The following WDR7 variants were observed in gnomAD, a reference collection of about 807,000 sequenced individuals.
The protein encoded by WDR7 is WD repeat domain 7, also known as WD repeat-containing protein 7.
A neutral mutation model predicts 169.4 loss-of-function variants in WDR7; 46 were observed. The observed-to-expected ratio is 0.27, with a 90% CI of 0.21 to 0.35. The LOEUF (loss-of-function observed/expected upper bound fraction) is 0.35, where lower values mean the gene tolerates loss of function less well. WDR7 is among the 10% of genes least tolerant of loss of function. The probability of loss-of-function intolerance (pLI) is 1.00; values close to 1 mark genes in which losing one functional copy is unlikely to be tolerated. For missense variants in WDR7, 1,534 were observed against 1,859.3 expected (o/e 0.83, Z 3.22); for synonymous variants, 612 against 666.8 (o/e 0.92, Z 1.27).
chr18:56,939,233 G>A (rs951150565), intron 24 of WDR7, 78 bp from the exon 25 acceptor site: 3 of 1,065,580 alleles, frequency 2.8e-6, no homozygotes, highest in Admixed American at 5.4e-5. Context: ...ATGGGCAAAT[G>A]AGGCCTAAAT....
At chr18:56,686,718 G>A (rs2025450838) in intron 6 of WDR7, 137 bp from the exon 7 acceptor site, 9 of 686,292 alleles carry the variant, frequency 1.3e-5, no homozygotes, top group African/African-American at 8.9e-5. Context: ...TTTTACTACC[G>A]TGGCGCTTAC....
At chr18:56,665,998 C>G (rs2025012746) in intron 1 of WDR7, among the ~76,000 whole-genome samples, 1 of 152,036 alleles carries the variant, frequency 6.6e-6, no homozygotes, top group African/African-American at 2.4e-5. Context: ...TGATCCGTCA[C>G]TGGATGTGGG....
At chr18:56,945,666 G>A (rs999867679) in intron 25 of WDR7, among the ~76,000 whole-genome samples, 1 of 152,144 alleles carries the variant, frequency 6.6e-6, no homozygotes, top group Non-Finnish European at 1.5e-5. Flanking sequence ...TGATCTCAGA[G>A]TACTGTTCCC....
At chr18:56,683,197 G>T (rs1156443683) in intron 5 of WDR7, among the ~76,000 whole-genome samples, 1 of 152,100 alleles carries the variant, frequency 6.6e-6, no homozygotes, top group African/African-American at 2.4e-5. Context: ...CTGGGGCCTG[G>T]TTCTGTCACT....
chr18:56,664,263 C>T (rs1010737386), intron 1 of WDR7, among the ~76,000 whole-genome samples: 6 of 152,078 alleles, frequency 3.9e-5, no homozygotes, highest in Middle Eastern at 3.4e-3. Flanking sequence ...TTTTTGAGGG[C>T]GCAGACTAGA....
Position 56,695,203 on chromosome 18 carries a change from A to G in WDR7, c.1357+5A>G, listed in dbSNP as rs2025671134. The stretch of plus-strand genomic sequence containing the variant: ...GGGAACACATGCTCAGAAGAGGTAT[A>G]CTGAAGAGCTCCGTATGTCTAAAGT... On this transcript the variant is annotated splice_donor_5th_base_variant and intron_variant, in intron 11 of 27. Transcript: ENST00000254442. The G allele has an allele frequency of 1.2e-6, 2 of 1,613,008 alleles. No homozygotes were observed. Among genetic ancestry groups the G allele is most frequent in the Non-Finnish European group, 1.7e-6 (2 of 1,179,096 alleles).
intron 26 of WDR7, among the ~76,000 whole-genome samples, chr18:56,971,792 C>G (rs75786381): frequency 0.015 from 2,249 of 152,244 alleles, 16 homozygotes; most frequent in African/African-American, 0.026. Flanking sequence ...GCATGCTTAT[C>G]AGAAATATCA....
At chr18:56,734,105 C>T (rs2026645024) in intron 14 of WDR7, among the ~76,000 whole-genome samples, 1 of 152,170 alleles carries the variant, frequency 6.6e-6, no homozygotes, top group African/African-American at 2.4e-5. Flanking sequence ...TCATTAGTAA[C>T]TTGCATTCTT....
intron 20 of WDR7, among the ~76,000 whole-genome samples, chr18:56,870,000 C>T (rs1228103733): frequency 6.6e-6 from 1 of 152,152 alleles, no homozygotes; most frequent in African/African-American, 2.4e-5. Context: ...GATTCACCAC[C>T]AGGACAGCGA....
At chr18:56,754,843 A>G (rs1047341258) in intron 14 of WDR7, among the ~76,000 whole-genome samples, 3 of 152,226 alleles carry the variant, frequency 2.0e-5, no homozygotes, top group African/African-American at 7.2e-5. Context: ...ATCAAACAAT[A>G]TCAATCATAA....
At chr18:56,834,634 C>A (rs940016173) in intron 20 of WDR7, among the ~76,000 whole-genome samples, 34 of 152,102 alleles carry the variant, frequency 2.2e-4, no homozygotes, top group Non-Finnish European at 4.1e-4. Context: ...ACCATGCCCC[C>A]ACTAGCAGAC....
intron 19 of WDR7, among the ~76,000 whole-genome samples, chr18:56,805,903 C>A (rs1333198327): frequency 6.6e-6 from 1 of 152,072 alleles, no homozygotes; most frequent in Non-Finnish European, 1.5e-5. Flanking sequence ...CATTGCCTAC[C>A]TCTTCTCACA....
chr18:56,950,551 C>T (rs2047167074), intron 25 of WDR7, among the ~76,000 whole-genome samples: 1 of 152,178 alleles, frequency 6.6e-6, no homozygotes, highest in Non-Finnish European at 1.5e-5. Flanking sequence ...GTAGTGAAAT[C>T]CTTTTGCACA....
chr18:56,731,321 TAC>T, intron 13 of WDR7, 60 bp from the exon 14 acceptor site: 2 of 1,529,398 alleles, frequency 1.3e-6, no homozygotes, highest in Non-Finnish European at 1.8e-6. Flanking sequence ...ATTTTTTCTT[TAC>T]TTAAACTATT....
At chr18:56,761,115 TC>T (rs2043974326) in intron 16 of WDR7, among the ~76,000 whole-genome samples, 1 of 152,120 alleles carries the variant, frequency 6.6e-6, no homozygotes, top group Non-Finnish European at 1.5e-5. Flanking sequence ...GCTCAAGCAA[TC>T]CTCCCACCTC....
intron 25 of WDR7, among the ~76,000 whole-genome samples, chr18:56,947,346 C>T (rs1568280927): frequency 6.6e-6 from 1 of 152,132 alleles, no homozygotes; most frequent in East Asian, 1.9e-4. Flanking sequence ...TACGTCTCCT[C>T]GGTGATCTTC....
At chr18:56,922,270 A>G (rs2046736800) in intron 21 of WDR7, among the ~76,000 whole-genome samples, 1 of 152,180 alleles carries the variant, frequency 6.6e-6, no homozygotes, top group African/African-American at 2.4e-5. Flanking sequence ...TAATGTGTGC[A>G]CTGTGGTTGG....
chr18:56,939,141 A>T (rs1460532210), intron 24 of WDR7, among the ~76,000 whole-genome samples, 170 bp from the exon 25 acceptor site: 1 of 152,204 alleles, frequency 6.6e-6, no homozygotes, highest in Non-Finnish European at 1.5e-5. Flanking sequence ...AGATAAGAGA[A>T]AGGATAGACT....
intron 20 of WDR7, among the ~76,000 whole-genome samples, chr18:56,821,272 A>G (rs1217476940): frequency 6.6e-6 from 1 of 152,208 alleles, no homozygotes; most frequent in African/African-American, 2.4e-5. Flanking sequence ...GTTAAAAGTA[A>G]TATCACTTGA....
Sources: allele counts gnomAD v4.1 joint callset (sites outside exome capture counted in the v4.1 genomes callset), GRCh38; gene constraint gnomAD v4.1.1; transcripts MANE v1.5; gene names NCBI Gene and HGNC (gene_info 2026-07-23, HGNC 2026-07-21).